Variants in MAP4 observed in about 807,000 individuals in gnomAD.
MAP4 encodes microtubule-associated protein 4.
A neutral mutation model predicts 170.2 loss-of-function variants in MAP4; 76 were observed. That is an observed-to-expected ratio of 0.45 (90% CI 0.37 to 0.54). The LOEUF is 0.54. MAP4 is among the 20% of genes least tolerant of loss of function. MAP4 has a pLI of 0.00. For missense variants in MAP4, 2,506 were observed against 2,748.0 expected (o/e 0.91, Z 1.97); for synonymous variants, 909 against 994.5 (o/e 0.91, Z 1.62).
intron 3 of MAP4, among the ~76,000 whole-genome samples, chr3:47,977,484 G>A (rs913523355): frequency 3.3e-5 from 5 of 152,166 alleles, no homozygotes; most frequent in Non-Finnish European, 7.3e-5. Flanking sequence ...TCCTAACATT[G>A]AACTGTAGAA....
At chr3:47,971,750 G>GTA (rs1244170070) in intron 3 of MAP4, among the ~76,000 whole-genome samples, 6 of 152,256 alleles carry the variant, frequency 3.9e-5, no homozygotes, top group Non-Finnish European at 7.4e-5. Context: ...GGATAATACA[G>GTA]TATTACACAT....
intron 3 of MAP4, among the ~76,000 whole-genome samples, chr3:47,942,955 A>T (rs900410302): frequency 3.9e-5 from 6 of 152,136 alleles, no homozygotes; most frequent in Non-Finnish European, 7.3e-5. Flanking sequence ...TACAAAAAAA[A>T]TTTAAAAAAT....
Position 47,858,680 on chromosome 3 carries a change from A to G in MAP4, c.6502-1168T>C, listed in dbSNP as rs1392656188. On this transcript the variant is annotated intron_variant, in intron 17 of 20. Coordinates refer to ENST00000683076, the MANE Select transcript of MAP4 (RefSeq NM_001385682.1). ...ATTCCTGCTTAATCCATGTTATAACAATTTTCCCAGCCAGGTGCAGTGGGT... is the reference window on the plus strand; with the variant it reads ...ATTCCTGCTTAATCCATGTTATAACGATTTTCCCAGCCAGGTGCAGTGGGT... Among the ~76,000 whole-genome samples, 4 of 150,750 alleles carry G rather than the reference A, an allele frequency of 2.7e-5. No homozygotes were observed. The South Asian group carries it at 8.3e-4, about 31-fold the overall frequency.
intron 1 of MAP4, among the ~76,000 whole-genome samples, chr3:48,007,183 C>T (rs935277717): frequency 6.6e-6 from 1 of 152,228 alleles, no homozygotes; most frequent in African/African-American, 2.4e-5. Flanking sequence ...ATTGGTGTGA[C>T]ATTTGCATGC....
chr3:48,027,726 T>C (rs2154501722), intron 1 of MAP4, among the ~76,000 whole-genome samples: 1 of 152,098 alleles, frequency 6.6e-6, no homozygotes, highest in South Asian at 2.1e-4. Flanking sequence ...TGGTTCCAGC[T>C]ACTCAGGAGA....
At chr3:47,898,136 G>A (rs184388) in intron 10 of MAP4, among the ~76,000 whole-genome samples, 40,362 of 151,964 alleles carry the variant, frequency 0.27, 5,681 homozygotes, top group South Asian at 0.37. Flanking sequence ...TAGGAAGACA[G>A]ATTCAGCCTC....
At chr3:48,067,412 T>C (rs1258021267) in intron 1 of MAP4, among the ~76,000 whole-genome samples, 1 of 152,156 alleles carries the variant, frequency 6.6e-6, no homozygotes, top group African/African-American at 2.4e-5. Flanking sequence ...TACTGCAGCC[T>C]CTATCTGCTG....
Position 47,955,703 on chromosome 3 carries a change from A to T in MAP4, c.292+22162T>A, listed in dbSNP as rs573334946. On this transcript the variant is annotated intron_variant, in intron 3 of 20. Coordinates refer to ENST00000683076, the MANE Select transcript of MAP4 (RefSeq NM_001385682.1). Reference sequence around the variant, plus strand: ...AGTTGCTCTAATTAACATCACCAACAATGAAAAAGAGGGTACAATGTTTGG... The same window carrying T: ...AGTTGCTCTAATTAACATCACCAACTATGAAAAAGAGGGTACAATGTTTGG... Among the ~76,000 whole-genome samples, 276 of 152,304 alleles carry T rather than the reference A, an allele frequency of 1.8e-3. 1 individual carries two copies. Among genetic ancestry groups the T allele is most frequent in the Non-Finnish European group, 3.2e-3 (218 of 68,024 alleles).
rs1381812109 is a variant in MAP4 at position 47,916,213 on chromosome 3, T to C, written c.1614A>G (p.Pro538=). The change falls in exon 7 of 21, where the codon CCA becomes CCG. Residue 538 remains proline, a synonymous_variant. Transcript: ENST00000683076. Reference sequence around the variant, plus strand: ...CCTCAGTCAGGGCCACCTCCATTTCTGGAGGCAGACATACGTTCTTGATGA... The same window carrying C: ...CCTCAGTCAGGGCCACCTCCATTTCCGGAGGCAGACATACGTTCTTGATGA... ...VVLIKNVCLP[P]EMEVALTEDQ... The C allele has an allele frequency of 6.2e-7, 1 of 1,614,234 alleles. No individual in the cohort carries two copies. The highest frequency in any genetic ancestry group is 1.1e-5 in the South Asian group (1 of 91,090).
At position 47,916,343 on chromosome 3, in the gene MAP4, G is replaced by A. The variant is rs761581263; in HGVS notation, c.1484C>T (p.Ser495Phe). 3.7e-6 allele frequency: 6 copies of A among 1,614,112 alleles called. No individual in the cohort carries two copies. The highest frequency in any genetic ancestry group is 5.1e-6 in the Non-Finnish European group (6 of 1,180,048). The change falls in exon 7 of 21, where the codon TCC (serine) becomes TTC (phenylalanine). Residue 495 changes from serine (S) to phenylalanine (F), a missense_variant. Physicochemically the swap from Ser to Phe is radical, Grantham distance 155. Coordinates refer to ENST00000683076, the MANE Select transcript of MAP4 (RefSeq NM_001385682.1). ...EIAPAKDVAPSTVKEVGLLKD... is the reference protein window; with the variant it reads ...EIAPAKDVAPFTVKEVGLLKD... ...CAACAAGCCCACTTCTTTTACTGTG[G>A]ACGGAGCCACATCCTTGGCCGGGGC...
intron 3 of MAP4, 124 bp from the exon 4 acceptor site, chr3:47,928,474 C>CA: frequency 4.2e-6 from 4 of 962,172 alleles, no homozygotes; most frequent in Non-Finnish European, 6.2e-6. Flanking sequence ...TAGTGTCTTA[C>CA]AAGAAAACTT....
At chr3:48,047,726 T>C (rs955927914) in intron 1 of MAP4, among the ~76,000 whole-genome samples, 1 of 152,212 alleles carries the variant, frequency 6.6e-6, no homozygotes, top group African/African-American at 2.4e-5. Context: ...CATGGGTGTT[T>C]TGGTGTTCGT....
intron 19 of MAP4, among the ~76,000 whole-genome samples, chr3:47,854,539 A>G (rs573276683): frequency 1.3e-5 from 2 of 152,344 alleles, no homozygotes; most frequent in East Asian, 3.9e-4. Flanking sequence ...GGTCTGCAAG[A>G]TGCCCCTCAT....
intron 2 of MAP4, among the ~76,000 whole-genome samples, chr3:47,993,152 C>T (rs1174569692): frequency 1.3e-5 from 2 of 152,070 alleles, no homozygotes; most frequent in African/African-American, 2.4e-5. Context: ...GTAGTTTACA[C>T]ATGAATAACT....
At chr3:47,977,605 T>C (rs2100082910) in intron 3 of MAP4, among the ~76,000 whole-genome samples, 1 of 152,220 alleles carries the variant, frequency 6.6e-6, no homozygotes, top group African/African-American at 2.4e-5. Context: ...TCTACAAAAG[T>C]ATTTTAAGGT....
intron 4 of MAP4, among the ~76,000 whole-genome samples, chr3:47,925,172 T>C (rs1177011309): frequency 6.6e-6 from 1 of 152,184 alleles, no homozygotes; most frequent in East Asian, 1.9e-4. Flanking sequence ...CTGCCATCTA[T>C]TCTACAATCA....
chr3:47,853,223 GGGT>G lies in MAP4; in HGVS notation c.6823_6825del (p.Thr2275del). The G allele has an allele frequency of 6.3e-7, 1 of 1,581,670 alleles. No individual in the cohort carries two copies. Among genetic ancestry groups the G allele is most frequent in the Non-Finnish European group, 8.6e-7 (1 of 1,162,508 alleles). ...TCCCTTTGGTCACCACCCCCTGACA[GGGT>G]GGGGTGGCCATTGAGGCCACTGGCT... is the stretch of plus-strand genomic sequence containing the variant. On this transcript the variant is annotated inframe_deletion, in exon 20 of 21. Coordinates refer to ENST00000683076, the MANE Select transcript of MAP4 (RefSeq NM_001385682.1).
At chr3:47,971,722 G>A (rs77962359) in intron 3 of MAP4, among the ~76,000 whole-genome samples, 6,717 of 152,160 alleles carry the variant, frequency 0.044, 500 homozygotes, top group African/African-American at 0.15. Context: ...AATGGAAACG[G>A]CATCAACATA....
chr3:47,911,316 C>G lies in MAP4; in HGVS notation c.3105G>C (p.Gln1035His). 1 of 1,536,164 alleles carries G rather than the reference C, an allele frequency of 6.5e-7. No homozygotes were observed. Among genetic ancestry groups the G allele is most frequent in the Non-Finnish European group, 8.7e-7 (1 of 1,146,910 alleles). Reference protein sequence around the residue: ...RQEISIFTSEQLQGQVLVQVP... With the variant: ...RQEISIFTSEHLQGQVLVQVP... Reference sequence around the variant, plus strand: ...CCTGTACCAACACTTGGCCCTGCAGCTGCTCAGAAGTAAAGATGCTGATCT... The same window carrying G: ...CCTGTACCAACACTTGGCCCTGCAGGTGCTCAGAAGTAAAGATGCTGATCT... Residue 1035 changes from glutamine (Q) to histidine (H), a missense_variant, in exon 9 of 21, where the codon CAG becomes CAC. Transcript: ENST00000683076. This position sits in a 1 kb window ranked among gnomAD's most constrained non-coding sequence, Gnocchi z 4.0.
Sources: allele counts gnomAD v4.1 joint callset (sites outside exome capture counted in the v4.1 genomes callset), GRCh38; gene constraint gnomAD v4.1.1; non-coding constraint Gnocchi (gnomAD v3.1); transcripts MANE v1.5; gene names NCBI Gene and HGNC (gene_info 2026-07-23, HGNC 2026-07-21).